CATSPERE: variants seen among roughly 807,000 people sequenced by gnomAD.
The protein encoded by CATSPERE is catsper channel auxiliary subunit epsilon.
A neutral mutation model predicts 114.1 loss-of-function variants in CATSPERE; 93 were observed. The observed-to-expected ratio is 0.81, with a 90% confidence interval of 0.69 to 0.97. CATSPERE has a LOEUF of 0.97. CATSPERE is among the 50% of genes least tolerant of loss of function. CATSPERE has a pLI of 0.00. For synonymous variants in CATSPERE, 341 were observed against 384.1 expected (o/e 0.89, Z 1.31); for missense variants, 1,058 against 1,131.6 (o/e 0.93, Z 0.93).
rs1204156032 is a variant in CATSPERE at position 244,552,262 on chromosome 1, T to C, written c.537-60T>C. The C allele has an allele frequency of 2.0e-6, 3 of 1,507,788 alleles. No homozygotes were observed. The Admixed American group carries it at 7.0e-5, about 35-fold the overall frequency. 93.4% of individuals were successfully genotyped at this position (1,507,788 alleles called of 1,614,324 possible). On this transcript the variant is annotated intron_variant, in intron 8 of 21. Coordinates refer to ENST00000366534, the MANE Select transcript of CATSPERE (RefSeq NM_001130957.2). ...TGTTTTAAAGATGATAGATATCAAC[T>C]GTACAAGATGGATCAGATGAGAGAG...
At chr1:244,499,827 A>C (rs965724583) in intron 7 of CATSPERE, among the ~76,000 whole-genome samples, 4 of 152,294 alleles carry the variant, frequency 2.6e-5, no homozygotes, top group African/African-American at 9.6e-5. Context: ...TCTTTATATT[A>C]GAATGATTTA....
At chr1:244,489,305 C>G (rs760209954) in intron 5 of CATSPERE, among the ~76,000 whole-genome samples, 20 of 151,862 alleles carry the variant, frequency 1.3e-4, no homozygotes, top group Non-Finnish European at 2.1e-4. Flanking sequence ...ATTTGTCATG[C>G]TAAAAGACAA....
chr1:244,570,020 C>T (rs879803045), intron 10 of CATSPERE, among the ~76,000 whole-genome samples: 3 of 152,184 alleles, frequency 2.0e-5, no homozygotes, highest in Non-Finnish European at 4.4e-5. Flanking sequence ...GTACCTAGAA[C>T]AGTATAGCCC....
At chr1:244,490,357 G>C (rs1294130919) in intron 5 of CATSPERE, 90 bp from the exon 6 acceptor site, 6 of 864,014 alleles carry the variant, frequency 6.9e-6, no homozygotes, top group Non-Finnish European at 7.4e-6. Flanking sequence ...AATATGCAAA[G>C]GTTTAGAAAC....
At chr1:244,542,843 A>C (rs1395753121) in intron 8 of CATSPERE, among the ~76,000 whole-genome samples, 1 of 152,180 alleles carries the variant, frequency 6.6e-6, no homozygotes, top group African/African-American at 2.4e-5. Flanking sequence ...AAACAACAAT[A>C]CAATAGGTAT....
At chr1:244,581,329 A>G (rs1249143435) in intron 11 of CATSPERE, among the ~76,000 whole-genome samples, 1 of 152,196 alleles carries the variant, frequency 6.6e-6, no homozygotes, top group Non-Finnish European at 1.5e-5. Context: ...GTTGATGAAC[A>G]TTGGTCTGTT....
chr1:244,585,030 G>A lies in CATSPERE; in HGVS notation c.2085+1091G>A, dbSNP rs758401824. Among the ~76,000 whole-genome samples, 10 of 152,078 alleles carry A rather than the reference G, an allele frequency of 6.6e-5. 1 individual carries two copies. The highest frequency in any genetic ancestry group is 1.3e-4 in the Non-Finnish European group (9 of 68,024). On this transcript the variant is annotated intron_variant, in intron 13 of 21. Transcript: ENST00000366534. ...CCTCTTCCTTTATGGATGCCTTCCC[G>A]AAGCACCGTGGTTTCCTCCAGCCCT...
chr1:244,639,403 T>C (rs10754842), intron 21 of CATSPERE, among the ~76,000 whole-genome samples: 103,177 of 151,906 alleles, frequency 0.68, 35,236 homozygotes, highest in Middle Eastern at 0.81. Flanking sequence ...ACTTCATTTC[T>C]AGCTGGGTGC....
intron 5 of CATSPERE, among the ~76,000 whole-genome samples, chr1:244,483,084 A>G (rs562974601): frequency 1.3e-5 from 2 of 152,270 alleles, no homozygotes; most frequent in East Asian, 3.9e-4. Context: ...TGATGCATTT[A>G]TTTGCAACTA....
intron 15 of CATSPERE, 105 bp downstream of exon 15, chr1:244,591,836 G>C (rs1667759100): frequency 4.3e-6 from 3 of 702,316 alleles, no homozygotes. Flanking sequence ...CATGTGTTCG[G>C]CTTGACACTG....
chr1:244,612,754 C>T (rs10754837), intron 19 of CATSPERE, among the ~76,000 whole-genome samples: 88,551 of 151,914 alleles, frequency 0.58, 26,745 homozygotes, highest in Middle Eastern at 0.73. Context: ...CTCTGCCTCC[C>T]GAGTTCAAGC....
intron 7 of CATSPERE, among the ~76,000 whole-genome samples, chr1:244,502,925 C>T (rs933897916): frequency 2.0e-5 from 3 of 152,136 alleles, no homozygotes; most frequent in African/African-American, 7.2e-5. Flanking sequence ...TCAGAGGTTT[C>T]CCCCTGGCTT....
chr1:244,605,005 A>G (rs990506435), intron 17 of CATSPERE, among the ~76,000 whole-genome samples: 19 of 152,128 alleles, frequency 1.2e-4, no homozygotes, highest in African/African-American at 4.6e-4. Flanking sequence ...TTCTCTGAGC[A>G]TGGGCTAGGT....
intron 20 of CATSPERE, among the ~76,000 whole-genome samples, chr1:244,635,144 G>T (rs552283459): frequency 6.6e-6 from 1 of 152,238 alleles, no homozygotes; most frequent in South Asian, 2.1e-4. Flanking sequence ...GCGCCTGCCA[G>T]TATTCATTTT....
intron 11 of CATSPERE, among the ~76,000 whole-genome samples, chr1:244,580,755 C>T (rs1378966663): frequency 1.3e-5 from 2 of 152,078 alleles, no homozygotes; most frequent in Non-Finnish European, 2.9e-5. Flanking sequence ...AATCCCAGCA[C>T]TCTGGGAGGC....
At chr1:244,482,681 G>T (rs539592278) in intron 5 of CATSPERE, among the ~76,000 whole-genome samples, 2 of 152,202 alleles carry the variant, frequency 1.3e-5, no homozygotes, top group South Asian at 4.1e-4. Context: ...GGATAGTAAT[G>T]AAATCAGTAC....
rs1323815270 is a variant in CATSPERE, at chr1:244,552,817, TA to T, written c.1029+4del. ...GTTGGGTCAATTATTTATTAAAGGT[TA>T]GTAAAAGATATTTTATATTTTATAA... On this transcript the variant is annotated splice_donor_region_variant and intron_variant, in intron 9 of 21. Transcript: ENST00000366534. The T allele has an allele frequency of 2.2e-6, 3 of 1,345,812 alleles. No individual in the cohort carries two copies. Among genetic ancestry groups the T allele is most frequent in the Non-Finnish European group, 2.9e-6 (3 of 1,017,612 alleles). 83.4% of individuals were successfully genotyped at this position (1,345,812 alleles called of 1,614,324 possible).
At chr1:244,495,261 A>G (rs1235579575) in intron 6 of CATSPERE, among the ~76,000 whole-genome samples, 1 of 152,178 alleles carries the variant, frequency 6.6e-6, no homozygotes, top group African/African-American at 2.4e-5. Flanking sequence ...AAAATATACA[A>G]CTAAACATAC....
chr1:244,526,778 G>C (rs574742656), intron 8 of CATSPERE, among the ~76,000 whole-genome samples: 1 of 151,794 alleles, frequency 6.6e-6, no homozygotes, highest in Admixed American at 6.6e-5. Context: ...AGTCACATAG[G>C]TTCTTTTCTA....
Sources: allele counts gnomAD v4.1 joint callset (sites outside exome capture counted in the v4.1 genomes callset), GRCh38; gene constraint gnomAD v4.1.1; transcripts MANE v1.5; gene names NCBI Gene and HGNC (gene_info 2026-07-23, HGNC 2026-07-21).